The following TMEM40 variants were observed in gnomAD, a reference collection of about 807,000 sequenced individuals.
TMEM40 encodes the protein transmembrane protein 40.
A neutral mutation model predicts 40.8 loss-of-function variants in TMEM40; 34 were observed. That is an observed-to-expected ratio of 0.83 (90% CI 0.63 to 1.11). The LOEUF (loss-of-function observed/expected upper bound fraction) is 1.11. TMEM40 is among the 50% of genes least tolerant of loss of function. The probability of loss-of-function intolerance (pLI) is 0.00; values close to 1 mark genes in which losing one functional copy is unlikely to be tolerated. For missense variants in TMEM40, 296 were observed against 280.2 expected (o/e 1.06, Z -0.40); for synonymous variants, 106 against 107.0 (o/e 0.99, Z 0.06).
In TMEM40 at chr3:12,736,615, G is replaced by A. The variant is rs199796616; in HGVS notation, c.582C>T (p.Phe194=). The A allele has an allele frequency of 3.9e-5, 62 of 1,573,050 alleles. No homozygotes were observed. Among genetic ancestry groups the A allele is most frequent in the African/African-American group, 3.5e-4 (26 of 74,010 alleles). The change falls in exon 10 of 12, where the codon TTC becomes TTT. Residue 194 remains phenylalanine (F), a synonymous_variant. Transcript: ENST00000314124. ...FMSLGVGLLT[F]ASLETVGIYF... is the part of the protein sequence containing the mutation. The stretch of plus-strand genomic sequence containing the variant: ...AGATGCCAACGGTTTCCAGGGAGGC[G>A]AAGGTGAGCAGGCCGACCCCAAGAG...
intron 4 of TMEM40, among the ~76,000 whole-genome samples, chr3:12,743,664 G>A (rs1221262365): frequency 6.6e-6 from 1 of 152,014 alleles, no homozygotes; most frequent in African/African-American, 2.4e-5. Context: ...AAGCATAAAC[G>A]AGATCAAATT....
chr3:12,741,218 T>A (rs945492153), intron 5 of TMEM40: 1 of 152,294 alleles, frequency 6.6e-6, no homozygotes, highest in African/African-American at 2.4e-5. Flanking sequence ...TCTGCATTAT[T>A]CCAGTCCTGG....
intron 1 of TMEM40, among the ~76,000 whole-genome samples, chr3:12,755,790 C>T (rs1015072296): frequency 3.3e-5 from 5 of 152,194 alleles, no homozygotes; most frequent in African/African-American, 4.8e-5. Flanking sequence ...ATTGTGGCCA[C>T]GTCTTCCTTT....
chr3:12,743,659 TA>T (rs972289062), intron 4 of TMEM40, among the ~76,000 whole-genome samples: 1 of 152,176 alleles, frequency 6.6e-6, no homozygotes, highest in Non-Finnish European at 1.5e-5. Flanking sequence ...TTATAAAGCA[TA>T]AACGAGATCA....
At chr3:12,748,631 C>G (rs762873176) in intron 3 of TMEM40, 24 bp downstream of exon 3, 1 of 1,599,838 alleles carries the variant, frequency 6.3e-7, no homozygotes, top group South Asian at 1.1e-5. Flanking sequence ...GAATAATATA[C>G]ATATATTTAA....
In TMEM40 at chr3:12,758,388, T is replaced by C. The variant is rs1313788044; in HGVS notation, c.-9+803A>G. ...GAAAATAATAAGCACAAGACCATAATCATTCTCATTCCCCTTAAAAGGAAA... is the reference window on the plus strand; with the variant it reads ...GAAAATAATAAGCACAAGACCATAACCATTCTCATTCCCCTTAAAAGGAAA... On this transcript the variant is annotated intron_variant, in intron 1 of 11. Coordinates refer to ENST00000314124, the MANE Select transcript of TMEM40 (RefSeq NM_018306.4). 2.0e-5 allele frequency among the ~76,000 whole-genome samples: 3 copies of C among 152,152 alleles called. No homozygotes were observed. The East Asian group carries it at 5.8e-4, about 29-fold the overall frequency.
Position 12,734,423 on chromosome 3 carries a change from A to G in TMEM40, c.*351T>C, listed in dbSNP as rs1415788974. On this transcript the variant is annotated 3_prime_UTR_variant, in exon 12 of 12. Transcript: ENST00000314124. Reference sequence around the variant, plus strand: ...GATAGCCTGGGATTTGAGAAAAACCATGAACCCAGACAGATCACAGCTTGC... The same window carrying G: ...GATAGCCTGGGATTTGAGAAAAACCGTGAACCCAGACAGATCACAGCTTGC... 3.9e-6 allele frequency: 1 copy of G among 257,362 alleles called. No individual in the cohort carries two copies. Among genetic ancestry groups the G allele is most frequent in the East Asian group, 7.2e-5 (1 of 13,936 alleles). The allele number at this position is 257,362 out of a possible 1,614,324, so 15.9% of individuals were successfully genotyped here. A position where few individuals can be genotyped will look rare whatever the true frequency, so the allele number is the denominator to read the frequency against.
At chr3:12,735,464 G>A (rs1414193829) in intron 11 of TMEM40, 91 bp downstream of exon 11, 1 of 1,334,356 alleles carries the variant, frequency 7.5e-7, no homozygotes, top group African/African-American at 1.5e-5. Context: ...CTGCCTCCAG[G>A]CTGTGTTCTT....
In TMEM40 at chr3:12,736,398, C is replaced by A. The variant is rs139663979; in HGVS notation, c.619+180G>T. ...CTCCTAACCTCAGGTGATCCACACA[C>A]CTCAGCCTCCCAAAGTGCTGGGATT... On this transcript the variant is annotated intron_variant, in intron 10 of 11. Transcript: ENST00000314124. 1.8e-3 allele frequency among the ~76,000 whole-genome samples: 271 copies of A among 152,296 alleles called. 2 individuals are homozygous for A. The highest frequency in any genetic ancestry group is 0.012 in the South Asian group (56 of 4,822).
chr3:12,754,290 C>T lies in TMEM40; in HGVS notation c.-8-4450G>A, dbSNP rs530000888. On this transcript the variant is annotated intron_variant, in intron 1 of 11. Transcript: ENST00000314124. ...CCGCACCACTGCACTCCAGCCTGGG[C>T]GACAGAGCACGATTCCGTCTCAAAA... Among the ~76,000 whole-genome samples the T allele has an allele frequency of 4.7e-3, 707 of 152,018 alleles. 4 individuals are homozygous for T. Among genetic ancestry groups the T allele is most frequent in the African/African-American group, 0.016 (655 of 41,436 alleles).
At chr3:12,768,852 T>C (rs568929862) in intron 1 of TMEM40, among the ~76,000 whole-genome samples, 43 of 148,124 alleles carry the variant, frequency 2.9e-4, no homozygotes, top group African/African-American at 1.0e-3. Flanking sequence ...GGGGCAGCGC[T>C]CATTGGGGAG....
intron 1 of TMEM40, among the ~76,000 whole-genome samples, chr3:12,765,642 A>G (rs1401326009): frequency 2.2e-5 from 3 of 138,560 alleles, no homozygotes; most frequent in African/African-American, 2.7e-5. Context: ...ATCTCGGCTC[A>G]CTCCAAGCTC....
At chr3:12,737,257 C>G (rs983122598) in intron 8 of TMEM40, among the ~76,000 whole-genome samples, 1 of 151,702 alleles carries the variant, frequency 6.6e-6, no homozygotes, top group Non-Finnish European at 1.5e-5. Context: ...TCCCCTTCCT[C>G]CTAGAAGTCC....
chr3:12,750,784 C>G (rs913709654), intron 1 of TMEM40, among the ~76,000 whole-genome samples: 5 of 152,166 alleles, frequency 3.3e-5, no homozygotes, highest in African/African-American at 1.2e-4. Flanking sequence ...AGCCTCAACA[C>G]GACTGACATT....
chr3:12,735,755 T>G (rs1214421479), intron 10 of TMEM40, 138 bp from the exon 11 acceptor site: 1 of 666,698 alleles, frequency 1.5e-6, no homozygotes, highest in Non-Finnish European at 2.6e-6. Context: ...GCTTAGATAA[T>G]GGTACTAGAG....
At position 12,749,869 on chromosome 3, in the gene TMEM40, A is replaced by T. The variant is rs761778851; in HGVS notation, c.-8-29T>A. The T allele has an allele frequency of 3.8e-6, 6 of 1,588,148 alleles. No homozygotes were observed. The East Asian group carries it at 1.3e-4, about 35-fold the overall frequency. On this transcript the variant is annotated intron_variant, in intron 1 of 11. Transcript: ENST00000314124. Reference sequence around the variant, plus strand: ...GAGGAATAACAATAATCAGTAGTTAATATCACCTTAGTTAATATCTTAATA... The same window carrying T: ...GAGGAATAACAATAATCAGTAGTTATTATCACCTTAGTTAATATCTTAATA...
chr3:12,736,351 T>C (rs532816931), intron 10 of TMEM40, among the ~76,000 whole-genome samples: 27 of 152,200 alleles, frequency 1.8e-4, no homozygotes, highest in African/African-American at 4.1e-4. Flanking sequence ...AGTTTCACCA[T>C]GTTGGTCAAG....
chr3:12,753,439 C>T (rs1264804490), intron 1 of TMEM40, among the ~76,000 whole-genome samples: 1 of 151,736 alleles, frequency 6.6e-6, no homozygotes. Flanking sequence ...GCCCAGGCTG[C>T]TCTTGAACTC....
intron 4 of TMEM40, 78 bp from the exon 5 acceptor site, chr3:12,742,585 C>A (rs143234147): frequency 1.3e-6 from 2 of 1,541,220 alleles, no homozygotes; most frequent in Admixed American, 3.4e-5. Flanking sequence ...ATGGCTTCGA[C>A]GCTTAAGAAG....
Sources: gnomAD v4.1 joint callset for allele counts (sites outside exome capture counted in the v4.1 genomes callset) on GRCh38, gnomAD v4.1.1 for gene constraint, MANE v1.5 for transcripts, NCBI Gene and HGNC (gene_info 2026-07-23, HGNC 2026-07-21) for gene names.